PDE4D: variants seen among roughly 807,000 people sequenced by gnomAD.
PDE4D encodes 3',5'-cyclic-AMP phosphodiesterase 4D.
PDE4D carries 24 observed loss-of-function variants against 87.4 expected under a neutral mutation model. That is an observed-to-expected ratio of 0.27 (90% CI 0.20 to 0.39). The LOEUF is 0.39. Ranked by LOEUF, PDE4D falls within the 10% of genes least tolerant of loss-of-function variation. PDE4D has a pLI of 1.00. For missense variants in PDE4D, 714 were observed against 1,041.0 expected, an observed-to-expected ratio of 0.69 and a Z score of 4.32; for synonymous variants, 384 against 383.2, an observed-to-expected ratio of 1.00 and a Z score of -0.02.
intron 1 of PDE4D, among the ~76,000 whole-genome samples, chr5:60,226,312 T>G (rs796854297): frequency 6.6e-6 from 1 of 152,206 alleles, no homozygotes; most frequent in South Asian, 2.1e-4. Context: ...AATTCCCAGT[T>G]GTGAACTATA....
chr5:59,420,006 C>T (rs1204806371), intron 1 of PDE4D, among the ~76,000 whole-genome samples: 7 of 152,160 alleles, frequency 4.6e-5, no homozygotes, highest in African/African-American at 7.2e-5. Flanking sequence ...ATCCATTGCA[C>T]GTGGTGGCAG....
intron 1 of PDE4D, among the ~76,000 whole-genome samples, chr5:59,835,350 A>G (rs1382893943): frequency 1.3e-5 from 2 of 151,958 alleles, no homozygotes; most frequent in Non-Finnish European, 1.5e-5. Flanking sequence ...TTTGAGCCCT[A>G]TCATCCCTCA....
chr5:59,373,709 G>T (rs1019760069), intron 1 of PDE4D, among the ~76,000 whole-genome samples: 5 of 152,106 alleles, frequency 3.3e-5, no homozygotes, highest in African/African-American at 1.2e-4. Context: ...TCACAAGAAG[G>T]TCATCCCCAA....
At chr5:59,985,438 G>T (rs1057195226) in intron 3 of PDE4D, among the ~76,000 whole-genome samples, 1 of 151,934 alleles carries the variant, frequency 6.6e-6, no homozygotes, top group African/African-American at 2.4e-5. Flanking sequence ...ACTGCACCTG[G>T]CCCCGCACTT....
At chr5:59,339,227 AGTTTT>A (rs1203656491) in intron 1 of PDE4D, among the ~76,000 whole-genome samples, 2 of 152,352 alleles carry the variant, frequency 1.3e-5, no homozygotes, top group Admixed American at 6.5e-5. Context: ...TTTAAATTCT[AGTTTT>A]GCTTTTTCTG....
chr5:60,237,060 G>T (rs1490031853), intron 1 of PDE4D, among the ~76,000 whole-genome samples: 1 of 151,836 alleles, frequency 6.6e-6, no homozygotes, highest in Admixed American at 6.6e-5. Context: ...ACACCTCTTT[G>T]AACTGCTAAA....
At position 59,504,892 on chromosome 5, in the gene PDE4D, G is replaced by A. The variant is rs75448005; in HGVS notation, c.456-288924C>T. On this transcript the variant is annotated intron_variant, in intron 1 of 14. Transcript: ENST00000340635. ...TAATACATACTTTCATACTTTCTTG[G>A]TAGGGGTATATGTGTGTGTGTGTGT... 8.8e-3 allele frequency among the ~76,000 whole-genome samples: 1,266 copies of A among 144,102 alleles called. 15 individuals carry two copies. Among genetic ancestry groups the A allele is most frequent in the African/African-American group, 0.031 (1,191 of 38,246 alleles). 94.5% of individuals were successfully genotyped at this position (144,102 alleles called of 152,430 possible).
chr5:59,507,679 A>AAGAAAGAAAAG (rs1554198806), intron 1 of PDE4D, among the ~76,000 whole-genome samples: 5 of 118,718 alleles, frequency 4.2e-5, no homozygotes, highest in African/African-American at 1.7e-4. Context: ...AAAAAAAAAA[A>AAGAAAGAAAAG]AAAAGAAAAG....
At chr5:60,334,527 T>C (rs1757576451) in intron 1 of PDE4D, among the ~76,000 whole-genome samples, 1 of 152,174 alleles carries the variant, frequency 6.6e-6, no homozygotes, top group Non-Finnish European at 1.5e-5. Context: ...TCTCCTGCTC[T>C]GACTTCATGC....
intron 2 of PDE4D, among the ~76,000 whole-genome samples, chr5:60,028,131 A>G (rs1766835319): frequency 6.6e-6 from 1 of 152,072 alleles, no homozygotes; most frequent in Non-Finnish European, 1.5e-5. Flanking sequence ...CAAATACATC[A>G]CTATTTCATG....
chr5:59,334,806 T>C (rs896126748), intron 1 of PDE4D, among the ~76,000 whole-genome samples: 1 of 152,074 alleles, frequency 6.6e-6, no homozygotes, highest in African/African-American at 2.4e-5. Context: ...TTATATTCTA[T>C]AAATTAATTA....
chr5:60,105,720 A>G (rs1303746623), intron 2 of PDE4D, among the ~76,000 whole-genome samples: 2 of 152,164 alleles, frequency 1.3e-5, no homozygotes, highest in African/African-American at 2.4e-5. Flanking sequence ...ACATTCTTAA[A>G]GAAAAGAATT....
chr5:60,473,183 A>AAGGAAG (rs1426939021), intron 1 of PDE4D, among the ~76,000 whole-genome samples: 1 of 137,742 alleles, frequency 7.3e-6, no homozygotes, highest in South Asian at 2.4e-4. Flanking sequence ...AAGGAAGGAA[A>AAGGAAG]AAGAAAGAAA....
At chr5:59,172,595 C>T (rs1561625853) in intron 5 of PDE4D, among the ~76,000 whole-genome samples, 1 of 151,268 alleles carries the variant, frequency 6.6e-6, no homozygotes, top group Non-Finnish European at 1.5e-5. Context: ...GTAGTCCCAG[C>T]TACTCAGGAG....
intron 1 of PDE4D, among the ~76,000 whole-genome samples, chr5:59,795,316 T>C (rs984711195): frequency 6.6e-6 from 1 of 152,154 alleles, no homozygotes; most frequent in Non-Finnish European, 1.5e-5. Flanking sequence ...TTCCTCTTTT[T>C]GGACACAGAA....
At chr5:60,306,668 T>C (rs1383891810) in intron 1 of PDE4D, among the ~76,000 whole-genome samples, 1 of 152,054 alleles carries the variant, frequency 6.6e-6, no homozygotes, top group Non-Finnish European at 1.5e-5. Flanking sequence ...TCACCAAATA[T>C]AGAAACAAGA....
At chr5:59,902,102 A>C (rs527493400) in intron 3 of PDE4D, among the ~76,000 whole-genome samples, 2 of 152,222 alleles carry the variant, frequency 1.3e-5, no homozygotes, top group South Asian at 4.1e-4. Context: ...GAACAACTAC[A>C]GAAAGCAACC....
intron 1 of PDE4D, among the ~76,000 whole-genome samples, chr5:59,242,771 C>A (rs1757935608): frequency 6.6e-6 from 1 of 152,136 alleles, no homozygotes; most frequent in African/African-American, 2.4e-5. Flanking sequence ...ACTGGCATTT[C>A]CTTTCCTCCT....
chr5:60,112,003 T>G (rs574795984), intron 2 of PDE4D, among the ~76,000 whole-genome samples: 37 of 152,184 alleles, frequency 2.4e-4, no homozygotes, highest in African/African-American at 8.4e-4. Flanking sequence ...CTCATCTTAA[T>G]GTTTTGATAT....
Sources: gnomAD v4.1 joint callset for allele counts (sites outside exome capture counted in the v4.1 genomes callset) on GRCh38, gnomAD v4.1.1 for gene constraint, MANE v1.5 for transcripts, NCBI Gene and HGNC (gene_info 2026-07-23, HGNC 2026-07-21) for gene names.